The following MARCHF3 variants were observed in gnomAD, a reference collection of about 807,000 sequenced individuals.
The protein encoded by MARCHF3 is E3 ubiquitin-protein ligase MARCHF3.
Under a neutral mutation model 24.2 loss-of-function variants are expected in MARCHF3, and 13 were observed. The observed-to-expected ratio is 0.54, with a 90% CI of 0.35 to 0.85. The LOEUF is 0.85. Ranked by LOEUF, MARCHF3 falls within the 40% of genes least tolerant of loss-of-function variation. The pLI, the probability that MARCHF3 is intolerant of heterozygous loss-of-function variation, is 0.01. For missense variants in MARCHF3, 276 were observed against 325.0 expected (o/e 0.85, Z 1.16); for synonymous variants, 144 against 137.3 (o/e 1.05, Z -0.34).
At chr5:126,987,192 T>A (rs964035693) in intron 1 of MARCHF3, among the ~76,000 whole-genome samples, 3 of 152,104 alleles carry the variant, frequency 2.0e-5, no homozygotes, top group African/African-American at 7.2e-5. Flanking sequence ...ACATAGAAAA[T>A]GAGGAGTTAT....
intron 1 of MARCHF3, among the ~76,000 whole-genome samples, chr5:126,920,842 T>TTA (rs1749084188): frequency 6.6e-6 from 1 of 152,188 alleles, no homozygotes; most frequent in African/African-American, 2.4e-5. Context: ...TAAATTCATT[T>TTA]TATATATGTA....
chr5:126,944,473 C>T (rs1749940784), intron 1 of MARCHF3, among the ~76,000 whole-genome samples: 1 of 152,168 alleles, frequency 6.6e-6, no homozygotes, highest in Non-Finnish European at 1.5e-5. Flanking sequence ...GTTGTACATG[C>T]CCAGGGGGCT....
chr5:126,946,093 G>C (rs1580669357), intron 1 of MARCHF3, among the ~76,000 whole-genome samples: 1 of 152,010 alleles, frequency 6.6e-6, no homozygotes, highest in Non-Finnish European at 1.5e-5. Flanking sequence ...AACAGGGGCC[G>C]AGCGTGGTAG....
intron 1 of MARCHF3, among the ~76,000 whole-genome samples, chr5:126,931,684 C>T (rs984353037): frequency 1.3e-5 from 2 of 151,822 alleles, no homozygotes; most frequent in Non-Finnish European, 2.9e-5. Flanking sequence ...GACCACAGAG[C>T]CCAGTGACTA....
At chr5:126,874,300 G>T (rs1334324806) in intron 4 of MARCHF3, among the ~76,000 whole-genome samples, 1 of 152,172 alleles carries the variant, frequency 6.6e-6, no homozygotes, top group African/African-American at 2.4e-5. Flanking sequence ...TAAAGTCACA[G>T]CAGGCGGCCT....
At chr5:126,998,780 T>A (rs1752029080) in intron 1 of MARCHF3, among the ~76,000 whole-genome samples, 1 of 152,134 alleles carries the variant, frequency 6.6e-6, no homozygotes, top group Non-Finnish European at 1.5e-5. Flanking sequence ...TCTCTCCCTG[T>A]CAATCCCCAG....
In MARCHF3 at chr5:126,982,190, C is replaced by T. The variant is rs151113427; in HGVS notation, c.-57+48160G>A. ...TGTGCTAGAATAACTCTCTATCTCC[C>T]GCCTCCCCAGCTTCTCTCACCTGCC... On this transcript the variant is annotated intron_variant, in intron 1 of 4. Transcript: ENST00000308660. Among the ~76,000 whole-genome samples, 209 of 152,320 alleles carry T rather than the reference C, an allele frequency of 1.4e-3. 2 individuals carry two copies. The highest frequency in any genetic ancestry group is 4.8e-3 in the African/African-American group (198 of 41,552).
chr5:126,903,409 C>A (rs987977935), intron 3 of MARCHF3, among the ~76,000 whole-genome samples: 1 of 152,034 alleles, frequency 6.6e-6, no homozygotes, highest in Non-Finnish European at 1.5e-5. Context: ...CACTAGGCTG[C>A]GTTCATGGGT....
chr5:126,903,628 CGT>C (rs955288545), intron 3 of MARCHF3, among the ~76,000 whole-genome samples: 25 of 150,490 alleles, frequency 1.7e-4, no homozygotes, highest in Admixed American at 1.4e-3. Context: ...ACCTAAGTCT[CGT>C]GTGTGTATAT....
intron 1 of MARCHF3, among the ~76,000 whole-genome samples, chr5:126,930,326 CT>C (rs935165892): frequency 2.0e-5 from 3 of 152,214 alleles, no homozygotes; most frequent in African/African-American, 7.2e-5. Flanking sequence ...TCCTCAACAA[CT>C]TTCTATATTT....
chr5:127,013,654 T>C (rs1273389167), intron 1 of MARCHF3, among the ~76,000 whole-genome samples: 4 of 152,138 alleles, frequency 2.6e-5, no homozygotes, highest in African/African-American at 9.7e-5. Flanking sequence ...CTCTGATGCA[T>C]AACATAAACA....
At chr5:126,944,591 T>C (rs148006890) in intron 1 of MARCHF3, among the ~76,000 whole-genome samples, 1 of 152,156 alleles carries the variant, frequency 6.6e-6, no homozygotes, top group East Asian at 1.9e-4. Flanking sequence ...CAAATAATAG[T>C]AATAATAATA....
At chr5:126,881,712 T>C (rs924940228) in intron 3 of MARCHF3, among the ~76,000 whole-genome samples, 1 of 152,198 alleles carries the variant, frequency 6.6e-6, no homozygotes, top group African/African-American at 2.4e-5. Context: ...GGGGGCCACC[T>C]AGCAAAATAA....
intron 1 of MARCHF3, among the ~76,000 whole-genome samples, chr5:126,986,591 T>C (rs1317951309): frequency 6.6e-6 from 1 of 152,194 alleles, no homozygotes; most frequent in Non-Finnish European, 1.5e-5. Flanking sequence ...ATAACATGAA[T>C]ATATAAAAAA....
chr5:126,995,191 C>T (rs966947276), intron 1 of MARCHF3, among the ~76,000 whole-genome samples: 15 of 152,192 alleles, frequency 9.9e-5, no homozygotes, highest in Admixed American at 2.0e-4. Context: ...CAATATTAAC[C>T]ACTACTCTTG....
In MARCHF3 at chr5:126,932,177, A is replaced by G. The variant is rs144196442; in HGVS notation, c.-56-13950T>C. ...CAAGCCAACAAACATTTATCACTAT[A>G]CTGACATTAACATGAGAGGCAGAGT... is the stretch of plus-strand genomic sequence containing the variant. On this transcript the variant is annotated intron_variant, in intron 1 of 4. Transcript: ENST00000308660. Among the ~76,000 whole-genome samples the G allele has an allele frequency of 9.8e-5, 15 of 152,364 alleles. No homozygotes were observed. The East Asian group carries it at 2.9e-3, about 29-fold the overall frequency.
chr5:126,897,544 G>A (rs1387402091), intron 3 of MARCHF3, among the ~76,000 whole-genome samples: 2 of 152,072 alleles, frequency 1.3e-5, no homozygotes, highest in East Asian at 1.9e-4. Context: ...GGGCTTAAAG[G>A]AAGGAGAGGG....
intron 1 of MARCHF3, among the ~76,000 whole-genome samples, chr5:127,015,299 G>C (rs1752603155): frequency 6.6e-6 from 1 of 152,166 alleles, no homozygotes; most frequent in Non-Finnish European, 1.5e-5. Context: ...TGTCAAGTAG[G>C]TTTAGGCTGA....
chr5:126,962,019 A>C (rs558304306), intron 1 of MARCHF3, among the ~76,000 whole-genome samples: 6 of 152,330 alleles, frequency 3.9e-5, no homozygotes, highest in South Asian at 2.1e-4. Context: ...CACAGTGTAA[A>C]CAAACAGGCA....
Sources: gnomAD v4.1 joint callset for allele counts (sites outside exome capture counted in the v4.1 genomes callset) on GRCh38, gnomAD v4.1.1 for gene constraint, MANE v1.5 for transcripts, NCBI Gene and HGNC (gene_info 2026-07-23, HGNC 2026-07-21) for gene names.